FYB1: variants seen among roughly 807,000 people sequenced by gnomAD.
FYB1 encodes the protein FYN-binding protein 1.
In FYB1, 41 loss-of-function variants were observed where a neutral mutation model predicts 94.1. That is an observed-to-expected ratio of 0.44 (90% CI 0.34 to 0.57). The LOEUF is 0.57. Among genes scored for constraint, FYB1 ranks in the 20% least tolerant of loss-of-function variants. The probability of loss-of-function intolerance (pLI) is 0.02; values close to 1 mark genes in which losing one functional copy is unlikely to be tolerated. For synonymous variants in FYB1, 367 were observed against 353.2 expected, an observed-to-expected ratio of 1.04 and a Z score of -0.44; for missense variants, 1,050 against 976.8, an observed-to-expected ratio of 1.07 and a Z score of -1.00.
chr5:39,249,568 G>A (rs1026302910), intron 1 of FYB1, among the ~76,000 whole-genome samples: 1 of 147,700 alleles, frequency 6.8e-6, no homozygotes, highest in African/African-American at 2.5e-5. Flanking sequence ...GTAGCAGAGA[G>A]GGATGGACTT....
intron 11 of FYB1, among the ~76,000 whole-genome samples, chr5:39,127,469 A>G (rs1369296269): frequency 6.6e-6 from 1 of 151,286 alleles, no homozygotes; most frequent in Non-Finnish European, 1.5e-5. Flanking sequence ...AAAAAAAAAA[A>G]AAAATACACA....
intron 16 of FYB1, among the ~76,000 whole-genome samples, chr5:39,117,107 T>C (rs1170809754): frequency 6.6e-6 from 1 of 152,128 alleles, no homozygotes; most frequent in African/African-American, 2.4e-5. Context: ...ATTTGGAAAG[T>C]AGAGGGCAGA....
At chr5:39,123,246 C>G (rs1283314878) in intron 13 of FYB1, among the ~76,000 whole-genome samples, 3 of 152,166 alleles carry the variant, frequency 2.0e-5, no homozygotes, top group Non-Finnish European at 4.4e-5. Context: ...ATCTCCCCCT[C>G]TATGTCCTCC....
chr5:39,225,486 T>G (rs1378476702), intron 1 of FYB1, among the ~76,000 whole-genome samples: 1 of 152,252 alleles, frequency 6.6e-6, no homozygotes, highest in African/African-American at 2.4e-5. Flanking sequence ...GTCTTTTTTC[T>G]TAGTGCACTT....
At chr5:39,130,730 T>C (rs1741118409) in intron 9 of FYB1, 118 bp from the exon 10 acceptor site, 2 of 778,756 alleles carry the variant, frequency 2.6e-6, no homozygotes, top group Non-Finnish European at 4.3e-6. Flanking sequence ...CGAAAGTTCT[T>C]AGAATGCTAT....
intron 1 of FYB1, among the ~76,000 whole-genome samples, chr5:39,204,189 G>A (rs1467594043): frequency 6.6e-6 from 1 of 152,154 alleles, no homozygotes; most frequent in Non-Finnish European, 1.5e-5. Flanking sequence ...GCACACTTCA[G>A]GTGCTTCTAT....
chr5:39,159,084 G>T (rs1255899243), intron 2 of FYB1, among the ~76,000 whole-genome samples: 1 of 152,186 alleles, frequency 6.6e-6, no homozygotes, highest in Admixed American at 6.5e-5. Flanking sequence ...ATCTTAAAAA[G>T]TCTGAAGCAT....
At chr5:39,215,501 C>T (rs1001350151) in intron 1 of FYB1, among the ~76,000 whole-genome samples, 1 of 152,160 alleles carries the variant, frequency 6.6e-6, no homozygotes, top group African/African-American at 2.4e-5. Flanking sequence ...GTCCAACCCA[C>T]CCTGCTGTGC....
intron 2 of FYB1, among the ~76,000 whole-genome samples, chr5:39,162,007 T>C (rs561077387): frequency 5.6e-4 from 85 of 151,768 alleles, no homozygotes; most frequent in African/African-American, 2.0e-3. Flanking sequence ...TTCAATTATA[T>C]TGTAGCAGAT....
chr5:39,176,771 C>G (rs1005774161), intron 2 of FYB1, among the ~76,000 whole-genome samples: 1 of 152,218 alleles, frequency 6.6e-6, no homozygotes, highest in Non-Finnish European at 1.5e-5. Flanking sequence ...AATAGCAACA[C>G]AACTTCCTGA....
chr5:39,157,005 G>A lies in FYB1; in HGVS notation c.1136-3401C>T, dbSNP rs555006193. Among the ~76,000 whole-genome samples, 19 of 152,228 alleles carry A rather than the reference G, an allele frequency of 1.2e-4. No individual in the cohort carries two copies. The South Asian group carries it at 3.9e-3, about 32-fold the overall frequency. ...TAATTAATCATGCAATTTTTGGCAAGCACCATACTTGGCATTCTACATATG... is the reference window on the plus strand; with the variant it reads ...TAATTAATCATGCAATTTTTGGCAAACACCATACTTGGCATTCTACATATG... On this transcript the variant is annotated intron_variant, in intron 2 of 18. Transcript: ENST00000512982.
intron 16 of FYB1, 91 bp from the exon 17 acceptor site, chr5:39,110,480 A>AT: frequency 1.1e-5 from 8 of 756,972 alleles, no homozygotes; most frequent in Non-Finnish European, 1.6e-5. Flanking sequence ...CAAGAGAGTA[A>AT]TCATAGTATA....
chr5:39,135,734 CATT>C (rs1421758978), intron 7 of FYB1, among the ~76,000 whole-genome samples: 2 of 152,096 alleles, frequency 1.3e-5, no homozygotes, highest in East Asian at 1.9e-4. Flanking sequence ...AAACATTTAT[CATT>C]ATCATGTACC....
intron 1 of FYB1, among the ~76,000 whole-genome samples, chr5:39,211,742 T>C (rs971996450): frequency 1.3e-5 from 2 of 152,172 alleles, no homozygotes; most frequent in African/African-American, 4.8e-5. Flanking sequence ...ATAGAAATGT[T>C]ATGCTTTATT....
At chr5:39,249,333 T>G (rs1371411150) in intron 1 of FYB1, among the ~76,000 whole-genome samples, 1 of 152,250 alleles carries the variant, frequency 6.6e-6, no homozygotes, top group Non-Finnish European at 1.5e-5. Context: ...TGAGACCACA[T>G]GGTCTTTGCT....
intron 2 of FYB1, among the ~76,000 whole-genome samples, chr5:39,193,525 G>A (rs73749459): frequency 0.015 from 2,209 of 152,262 alleles, 59 homozygotes; most frequent in African/African-American, 0.05. Flanking sequence ...TGGTGCCACC[G>A]GAGGAGAGCT....
intron 12 of FYB1, among the ~76,000 whole-genome samples, chr5:39,124,737 C>T (rs536100123): frequency 2.1e-4 from 32 of 151,966 alleles, no homozygotes; most frequent in African/African-American, 7.2e-4. Context: ...ACCATGTTTC[C>T]CAATATGTGC....
In FYB1 at chr5:39,202,079, G is replaced by A; in HGVS notation, c.882C>T (p.Thr294=). ...CTTCCTGATTTATTTTGCTCTGGAA[G>A]GTGTTCTTAGCAGCATCTATCTTCC... ...EDRKIDAAKN[T]FQSKINQEEL... Residue 294 remains threonine (T), a synonymous_variant, in exon 2 of 19, where the codon ACC becomes ACT. Transcript: ENST00000512982. 1 of 1,614,042 alleles carries A rather than the reference G, an allele frequency of 6.2e-7. No individual in the cohort carries two copies. Among genetic ancestry groups the A allele is most frequent in the Non-Finnish European group, 8.5e-7 (1 of 1,179,896 alleles).
chr5:39,135,175 G>A (rs1327720618), intron 7 of FYB1, among the ~76,000 whole-genome samples, 161 bp from the exon 8 acceptor site: 1 of 152,116 alleles, frequency 6.6e-6, no homozygotes, highest in Non-Finnish European at 1.5e-5. Context: ...TTTCTTATAG[G>A]AGGGGTTAGG....
Sources: allele counts gnomAD v4.1 joint callset (sites outside exome capture counted in the v4.1 genomes callset), GRCh38; gene constraint gnomAD v4.1.1; transcripts MANE v1.5; gene names NCBI Gene and HGNC (gene_info 2026-07-23, HGNC 2026-07-21).